ATP6V1D: variants seen among roughly 807,000 people sequenced by gnomAD.
ATP6V1D encodes the protein V-type proton ATPase subunit D.
ATP6V1D carries 20 observed loss-of-function variants against 39.4 expected under a neutral mutation model. The observed-to-expected ratio is 0.51, with a 90% CI of 0.36 to 0.74. ATP6V1D has a LOEUF of 0.74. Among genes scored for constraint, ATP6V1D ranks in the 30% least tolerant of loss-of-function variants. ATP6V1D has a pLI of 0.00. For synonymous variants in ATP6V1D, 100 were observed against 100.5 expected, an observed-to-expected ratio of 0.99 and a Z score of 0.03; for missense variants, 228 against 291.6, an observed-to-expected ratio of 0.78 and a Z score of 1.59.
intron 8 of ATP6V1D, 39 bp from the exon 9 acceptor site, chr14:67,338,801 T>C (rs199510280): frequency 4.5e-6 from 7 of 1,562,500 alleles, no homozygotes; most frequent in Admixed American, 3.6e-5. Context: ...TTAAACACTG[T>C]TTCAATATTA....
At chr14:67,355,588 G>A (rs1274784933) in intron 1 of ATP6V1D, among the ~76,000 whole-genome samples, 1 of 151,748 alleles carries the variant, frequency 6.6e-6, no homozygotes, top group Non-Finnish European at 1.5e-5. Flanking sequence ...TGGGTGATCA[G>A]GAACAGCCTC....
In ATP6V1D at chr14:67,347,500, C is replaced by CTTT. The variant is rs142554896; in HGVS notation, c.308-48_308-47insAAA. 1,369 of 1,299,194 alleles carry CTTT rather than the reference C, an allele frequency of 1.1e-3. 17 individuals carry two copies. Among genetic ancestry groups the CTTT allele is most frequent in the East Asian group, 5.1e-3 (188 of 36,508 alleles). 80.5% of individuals were successfully genotyped at this position (1,299,194 alleles called of 1,614,324 possible). ...ATGGATTCATAAACCTTTAAGTTCT[C>CTTT]TCTTTTTTTTTTTTTTCTGAGACGG... On this transcript the variant is annotated intron_variant, in intron 4 of 8. Transcript: ENST00000216442.
chr14:67,359,752 A>T lies in ATP6V1D; in HGVS notation c.-54T>A. 6.2e-7 allele frequency: 1 copy of T among 1,606,838 alleles called. No homozygotes were observed. Among genetic ancestry groups the T allele is most frequent in the Non-Finnish European group, 8.5e-7 (1 of 1,174,952 alleles). ...CCGGCCGGGCAACCGAGGCTGCAAT[A>T]GCTCCAGAACTGGCCTCCACAGTGT... On this transcript the variant is annotated 5_prime_UTR_variant, in exon 1 of 9. Transcript: ENST00000216442.
chr14:67,359,103 A>G (rs2085707975), intron 1 of ATP6V1D, among the ~76,000 whole-genome samples: 2 of 152,234 alleles, frequency 1.3e-5, no homozygotes. Context: ...ATCCTCTCAC[A>G]GCAGGTGACA....
intron 8 of ATP6V1D, among the ~76,000 whole-genome samples, chr14:67,339,520 A>G (rs2085564124): frequency 6.6e-6 from 1 of 151,898 alleles, no homozygotes. Flanking sequence ...CCTACCTCCC[A>G]TTTCTCTGAA....
Position 67,356,814 on chromosome 14 carries a change from C to T in ATP6V1D, c.41+2844G>A, listed in dbSNP as rs372230715. On this transcript the variant is annotated intron_variant, in intron 1 of 8. Transcript: ENST00000216442. ...TATCAAGTGAAGGTCGTTTAGTTTC[C>T]AGCCTGAGAAGGAGCTATCCATCTC... Among the ~76,000 whole-genome samples the T allele has an allele frequency of 2.2e-4, 33 of 152,304 alleles. No homozygotes were observed. The South Asian group carries it at 6.8e-3, about 32-fold the overall frequency.
Position 67,349,126 on chromosome 14 carries a change from T to G in ATP6V1D, c.240-22A>C, listed in dbSNP as rs746269493. On this transcript the variant is annotated intron_variant, in intron 3 of 8. Transcript: ENST00000216442. ...AGTGCTGCAGAAAAAGAGAAAGACT[T>G]TATTTAGCAGACTCTTCAGAAATAA... The G allele has an allele frequency of 4.3e-6, 7 of 1,609,746 alleles. No homozygotes were observed. The Admixed American group carries it at 1.2e-4, about 27-fold the overall frequency.
chr14:67,344,337 G>A (rs921385653), intron 6 of ATP6V1D, among the ~76,000 whole-genome samples: 9 of 152,046 alleles, frequency 5.9e-5, no homozygotes, highest in African/African-American at 2.2e-4. Flanking sequence ...CTCACATTTG[G>A]CTTTCAATAA....
chr14:67,344,821 C>T (rs1271512844), intron 6 of ATP6V1D, among the ~76,000 whole-genome samples: 1 of 150,244 alleles, frequency 6.7e-6, no homozygotes, highest in Non-Finnish European at 1.5e-5. Flanking sequence ...ATCCAGGCTG[C>T]AGTTAGCCAA....
intron 1 of ATP6V1D, among the ~76,000 whole-genome samples, chr14:67,356,695 A>AACCT (rs1335297198): frequency 6.6e-6 from 1 of 152,228 alleles, no homozygotes. Flanking sequence ...CTAAGGCTCC[A>AACCT]ACCTACGTTC....
chr14:67,357,382 C>G (rs1236709857), intron 1 of ATP6V1D, among the ~76,000 whole-genome samples: 1 of 152,182 alleles, frequency 6.6e-6, no homozygotes, highest in Non-Finnish European at 1.5e-5. Context: ...AGACATCTGA[C>G]TACATGACAA....
At chr14:67,351,852 C>T (rs1229582676) in intron 2 of ATP6V1D, among the ~76,000 whole-genome samples, 1 of 143,114 alleles carries the variant, frequency 7.0e-6, no homozygotes, top group East Asian at 2.2e-4. Context: ...AAAGAAAAGG[C>T]GTGGAAAAAA....
chr14:67,352,192 A>G (rs538090964), intron 2 of ATP6V1D, among the ~76,000 whole-genome samples: 10 of 152,228 alleles, frequency 6.6e-5, no homozygotes, highest in African/African-American at 2.4e-4. Flanking sequence ...ACAGGTTTAA[A>G]AATAAAACAC....
At chr14:67,347,858 A>G (rs2085630695) in intron 4 of ATP6V1D, among the ~76,000 whole-genome samples, 1 of 151,868 alleles carries the variant, frequency 6.6e-6, no homozygotes, top group East Asian at 1.9e-4. Flanking sequence ...CTCAAAAATC[A>G]AGAGCTTAAG....
rs765541892 is a variant in ATP6V1D at position 67,343,420 on chromosome 14, C to G, written c.475G>C (p.Asp159His). The G allele has an allele frequency of 6.2e-7, 1 of 1,609,118 alleles. No individual in the cohort carries two copies. Among genetic ancestry groups the G allele is most frequent in the Non-Finnish European group, 8.5e-7 (1 of 1,175,782 alleles). Reference protein sequence around the residue: ...ASLQTSFVTLDEAIKITNRRV... With the variant: ...ASLQTSFVTLHEAIKITNRRV... ...CTGTTGGTTATCTTAATAGCTTCAT[C>G]CAAAGTAACAAAAGAAGTCTAAAAT... Residue 159 changes from aspartate (D) to histidine (H), a missense_variant, in exon 7 of 9, where the codon GAT becomes CAT. Around this residue, in one of 3 missense-constraint regions of ATP6V1D, gnomAD observed 114 missense variants for 128.3 expected, o/e 0.89. Transcript: ENST00000216442.
intron 8 of ATP6V1D, 61 bp from the exon 9 acceptor site, chr14:67,338,823 T>C (rs1041866030): frequency 1.4e-5 from 21 of 1,458,460 alleles, no homozygotes; most frequent in Non-Finnish European, 2.0e-5. Context: ...GTAGATTTGA[T>C]TTCTTTGAGT....
At position 67,338,463 on chromosome 14, in the gene ATP6V1D, T is replaced by A; in HGVS notation, c.*158A>T. ...ATGATAAATGGTTGCTAAATTATGA[T>A]TCTGCAAAAGTAATCCCATAAATAG... On this transcript the variant is annotated 3_prime_UTR_variant, in exon 9 of 9. Coordinates refer to ENST00000216442, the MANE Select transcript of ATP6V1D (RefSeq NM_015994.4). 1 of 770,226 alleles carries A rather than the reference T, an allele frequency of 1.3e-6. No individual in the cohort carries two copies. Among genetic ancestry groups the A allele is most frequent in the Admixed American group, 2.8e-5 (1 of 35,406 alleles). The allele number at this position is 770,226 out of a possible 1,614,324, so 47.7% of individuals were successfully genotyped here. A position where few individuals can be genotyped will look rare whatever the true frequency, so the allele number is the denominator to read the frequency against.
At chr14:67,348,236 G>A (rs900489039) in intron 4 of ATP6V1D, among the ~76,000 whole-genome samples, 2 of 151,922 alleles carry the variant, frequency 1.3e-5, no homozygotes, top group African/African-American at 2.4e-5. Flanking sequence ...TACCACGTCT[G>A]GCTTATTTTG....
chr14:67,350,787 G>T, intron 2 of ATP6V1D, 97 bp from the exon 3 acceptor site: 1 of 1,158,280 alleles, frequency 8.6e-7, no homozygotes, highest in Non-Finnish European at 1.2e-6. Flanking sequence ...AGTATTTTAT[G>T]CTGGCTGTGC....
Sources: gnomAD v4.1 joint callset for allele counts (sites outside exome capture counted in the v4.1 genomes callset) on GRCh38, gnomAD v4.1.1 for gene constraint, gnomAD v4.1.1 regional missense constraint, MANE v1.5 for transcripts, NCBI Gene and HGNC (gene_info 2026-07-23, HGNC 2026-07-21) for gene names.